Variants in CMC1 observed in about 807,000 individuals in gnomAD.
CMC1 encodes COX assembly mitochondrial protein homolog.
CMC1 carries 14 observed loss-of-function variants against 14.1 expected under a neutral mutation model. That is an observed-to-expected ratio of 0.99 (90% CI 0.66 to 1.55). The LOEUF is 1.55. CMC1 is among the 40% of genes most tolerant of loss of function. The pLI, the probability that CMC1 is intolerant of heterozygous loss-of-function variation, is 0.00. For synonymous variants in CMC1, 50 were observed against 38.4 expected (o/e 1.30, Z -1.12); for missense variants, 127 against 123.8 (o/e 1.03, Z -0.12).
chr3:28,268,185 T>C (rs905008765), intron 2 of CMC1, among the ~76,000 whole-genome samples: 5 of 152,212 alleles, frequency 3.3e-5, no homozygotes, highest in East Asian at 1.9e-4. Flanking sequence ...CCAATCACCA[T>C]TGGATTGGTT....
rs138279326 is a variant in CMC1 at position 28,252,675 on chromosome 3, A to G, written c.20-10616A>G. Among the ~76,000 whole-genome samples the G allele has an allele frequency of 9.7e-3, 1,471 of 152,274 alleles. 21 individuals are homozygous for G. Among genetic ancestry groups the G allele is most frequent in the African/African-American group, 0.033 (1,382 of 41,548 alleles). The stretch of plus-strand genomic sequence containing the variant: ...TGCTTCAGCATAACTGTGGAAGCTC[A>G]TTTAGCCTTGTTTGCTTAAGTCTCC... On this transcript the variant is annotated intron_variant, in intron 1 of 3. Transcript: ENST00000466830.
At chr3:28,311,143 T>G (rs1009068483) in intron 2 of CMC1, among the ~76,000 whole-genome samples, 2 of 152,192 alleles carry the variant, frequency 1.3e-5, no homozygotes, top group Non-Finnish European at 2.9e-5. Flanking sequence ...TTATGGATCT[T>G]TAGAAAATTG....
intron 2 of CMC1, chr3:28,316,082 T>C (rs1324424368): frequency 1.8e-5 from 5 of 275,294 alleles, no homozygotes; most frequent in Middle Eastern, 1.1e-3. Context: ...CATTTATTTA[T>C]ACAAAGTGAA....
At chr3:28,297,736 A>T (rs1701803289) in intron 2 of CMC1, among the ~76,000 whole-genome samples, 1 of 152,030 alleles carries the variant, frequency 6.6e-6, no homozygotes, top group African/African-American at 2.4e-5. Context: ...GCTTAGAAAA[A>T]AGGTAAATCC....
chr3:28,299,089 T>A (rs1701891639), intron 2 of CMC1, among the ~76,000 whole-genome samples: 1 of 152,118 alleles, frequency 6.6e-6, no homozygotes, highest in Admixed American at 6.6e-5. Flanking sequence ...GTCAATTTTC[T>A]ATTTGCCCTG....
At chr3:28,284,536 A>G (rs750849732) in intron 2 of CMC1, among the ~76,000 whole-genome samples, 17 of 152,192 alleles carry the variant, frequency 1.1e-4, no homozygotes, top group Non-Finnish European at 2.2e-4. Context: ...AAAGCTTTCA[A>G]GGTGATTTGA....
intron 1 of CMC1, among the ~76,000 whole-genome samples, chr3:28,251,256 G>C (rs1699111482): frequency 6.6e-6 from 1 of 152,096 alleles, no homozygotes; most frequent in East Asian, 1.9e-4. Context: ...TGTGAAGAGG[G>C]ACCAAACGTG....
intron 2 of CMC1, among the ~76,000 whole-genome samples, chr3:28,274,218 T>TTTTTTTTTG (rs1331676612): frequency 7.8e-6 from 1 of 127,548 alleles, no homozygotes; most frequent in Non-Finnish European, 1.6e-5. Flanking sequence ...TTTTGTTTTT[T>TTTTTTTTTG]TCTTTTTTTT....
chr3:28,263,292 C>A lies in CMC1; in HGVS notation c.21C>A (p.Asp7Glu). The A allele has an allele frequency of 1.3e-6, 2 of 1,583,702 alleles. No individual in the cohort carries two copies. The highest frequency in any genetic ancestry group is 8.6e-7 in the Non-Finnish European group (1 of 1,167,110). Residue 7 changes from aspartate (D) to glutamate (E), a missense_variant and splice_region_variant, in exon 2 of 4, where the codon GAC becomes GAA. Physicochemically the swap from Asp to Glu is conservative, Grantham distance 45. Transcript: ENST00000466830. Reference protein sequence around the residue: MALDPADQHLRHVEKDV... With the variant: MALDPAEQHLRHVEKDV... ...AAAGAAAGATCTTTTTTTTTTCAGA[C>A]CAGCATCTCAGACATGTCGAAAAAG... is the stretch of plus-strand genomic sequence containing the variant.
intron 1 of CMC1, among the ~76,000 whole-genome samples, chr3:28,255,029 TTC>T (rs1279684121): frequency 6.6e-6 from 1 of 152,144 alleles, no homozygotes; most frequent in African/African-American, 2.4e-5. Flanking sequence ...GCAACTGAAT[TTC>T]TCTCTTATCT....
At chr3:28,255,687 CGTT>C (rs1170859501) in intron 1 of CMC1, among the ~76,000 whole-genome samples, 1 of 136,378 alleles carries the variant, frequency 7.3e-6, no homozygotes, top group Admixed American at 7.5e-5. Flanking sequence ...ATTTTTGAAA[CGTT>C]GTTAAAAAAA....
chr3:28,300,551 A>G (rs1478930943), intron 2 of CMC1, among the ~76,000 whole-genome samples: 2 of 151,124 alleles, frequency 1.3e-5, no homozygotes, highest in African/African-American at 2.4e-5. Flanking sequence ...TCTTATATAG[A>G]CCCCACTCTC....
intron 2 of CMC1, among the ~76,000 whole-genome samples, chr3:28,266,357 G>A (rs1043604224): frequency 1.3e-5 from 2 of 152,086 alleles, no homozygotes; most frequent in African/African-American, 2.4e-5. Context: ...TGCCATTTCA[G>A]TATAATGAAA....
chr3:28,282,151 A>G (rs1182022977), intron 2 of CMC1, among the ~76,000 whole-genome samples: 1 of 152,232 alleles, frequency 6.6e-6, no homozygotes, highest in African/African-American at 2.4e-5. Flanking sequence ...TAAAACGGAA[A>G]GATTAATTTT....
At chr3:28,313,111 C>G (rs1032308330) in intron 2 of CMC1, among the ~76,000 whole-genome samples, 1 of 152,026 alleles carries the variant, frequency 6.6e-6, no homozygotes, top group Non-Finnish European at 1.5e-5. Context: ...CCCACCTTAG[C>G]CCCCAAAGTG....
At chr3:28,289,852 A>G (rs555007511) in intron 2 of CMC1, among the ~76,000 whole-genome samples, 4 of 152,294 alleles carry the variant, frequency 2.6e-5, no homozygotes, top group South Asian at 4.1e-4. Flanking sequence ...TCTAAATTCT[A>G]CCATTCACAA....
chr3:28,293,483 A>G (rs1480170572), intron 2 of CMC1, among the ~76,000 whole-genome samples: 3 of 152,202 alleles, frequency 2.0e-5, no homozygotes, highest in African/African-American at 7.2e-5. Context: ...AGTTTGAGGT[A>G]GATGGTTGTA....
At chr3:28,299,359 T>C (rs1701904659) in intron 2 of CMC1, among the ~76,000 whole-genome samples, 1 of 152,142 alleles carries the variant, frequency 6.6e-6, no homozygotes, top group Admixed American at 6.6e-5. Flanking sequence ...CTGATCTTAA[T>C]CAGGTGAGAA....
At chr3:28,253,682 G>T (rs879391252) in intron 1 of CMC1, 3 of 1,063,046 alleles carry the variant, frequency 2.8e-6, no homozygotes. Context: ...TTGCTAATGA[G>T]AACACTGTTG....
Sources: gnomAD v4.1 joint callset for allele counts (sites outside exome capture counted in the v4.1 genomes callset) on GRCh38, gnomAD v4.1.1 for gene constraint, MANE v1.5 for transcripts, NCBI Gene and HGNC (gene_info 2026-07-23, HGNC 2026-07-21) for gene names.